Variants in CYP7B1 observed in about 807,000 individuals in gnomAD.
CYP7B1 encodes cytochrome P450 7B1.
CYP7B1 carries 29 observed loss-of-function variants against 42.7 expected under a neutral mutation model. The ratio of observed to expected loss-of-function variants is 0.68; its 90% CI spans 0.51 to 0.93. The LOEUF is 0.93. CYP7B1 is among the 40% of genes least tolerant of loss of function. The pLI, the probability that CYP7B1 is intolerant of heterozygous loss-of-function variation, is 0.00. For synonymous variants in CYP7B1, 235 were observed against 218.2 expected (o/e 1.08, Z -0.68); for missense variants, 655 against 600.5 (o/e 1.09, Z -0.95).
chr8:64,736,533 C>T (rs1006520829), intron 1 of CYP7B1, among the ~76,000 whole-genome samples: 1 of 152,182 alleles, frequency 6.6e-6, no homozygotes, highest in African/African-American at 2.4e-5. Context: ...TCACTGCAAC[C>T]TCCGCCTCCT....
chr8:64,688,336 GT>G, intron 1 of CYP7B1, among the ~76,000 whole-genome samples: 1 of 152,104 alleles, frequency 6.6e-6, no homozygotes, highest in Non-Finnish European at 1.5e-5. Flanking sequence ...AGCTTTTGAA[GT>G]TTTTTCCATT....
At chr8:64,784,626 G>T (rs1401750410) in intron 1 of CYP7B1, among the ~76,000 whole-genome samples, 1 of 152,152 alleles carries the variant, frequency 6.6e-6, no homozygotes, top group Non-Finnish European at 1.5e-5. Flanking sequence ...AACAAAATGA[G>T]TAAGAGATGG....
chr8:64,765,620 G>A (rs573399382), intron 1 of CYP7B1, among the ~76,000 whole-genome samples: 12 of 152,138 alleles, frequency 7.9e-5, no homozygotes, highest in Non-Finnish European at 1.5e-4. Context: ...ATCAGTGAGC[G>A]TTAACTAATC....
chr8:64,717,170 TC>T (rs1807167956), intron 1 of CYP7B1, among the ~76,000 whole-genome samples: 1 of 135,938 alleles, frequency 7.4e-6, no homozygotes, highest in African/African-American at 3.2e-5. Flanking sequence ...ACATGGTACA[TC>T]TTTTTTTTCC....
intron 1 of CYP7B1, among the ~76,000 whole-genome samples, chr8:64,683,248 A>G (rs943839856): frequency 6.6e-6 from 1 of 152,236 alleles, no homozygotes; most frequent in African/African-American, 2.4e-5. Context: ...CCAATGGAGT[A>G]CTATCTAGCC....
chr8:64,652,629 G>A (rs2129631236), intron 1 of CYP7B1, among the ~76,000 whole-genome samples: 1 of 152,294 alleles, frequency 6.6e-6, no homozygotes, highest in East Asian at 1.9e-4. Flanking sequence ...CGGATCACGA[G>A]GTCAGGAGAT....
chr8:64,792,116 A>G (rs1804627971), intron 1 of CYP7B1, among the ~76,000 whole-genome samples: 1 of 152,244 alleles, frequency 6.6e-6, no homozygotes, highest in Admixed American at 6.5e-5. Flanking sequence ...ATAAAGTTGC[A>G]GAACTCATAG....
chr8:64,619,911 G>A (rs1481985954), intron 2 of CYP7B1, among the ~76,000 whole-genome samples: 1 of 152,012 alleles, frequency 6.6e-6, no homozygotes, highest in Non-Finnish European at 1.5e-5. Context: ...AGAATTGGCT[G>A]CTTGGCATAG....
chr8:64,663,721 C>A (rs1011070861), intron 1 of CYP7B1, among the ~76,000 whole-genome samples: 37 of 151,350 alleles, frequency 2.4e-4, no homozygotes, highest in African/African-American at 9.0e-4. Context: ...AATATGCAGG[C>A]ATGTCTGACA....
At chr8:64,776,466 C>T (rs547971320) in intron 1 of CYP7B1, among the ~76,000 whole-genome samples, 1 of 152,248 alleles carries the variant, frequency 6.6e-6, no homozygotes, top group South Asian at 2.1e-4. Flanking sequence ...ACACACAGGG[C>T]ATGAGATGTC....
In CYP7B1 at chr8:64,594,335, A is replaced by G. The variant is rs1229002060; in HGVS notation, c.*2307T>C. On this transcript the variant is annotated 3_prime_UTR_variant, in exon 6 of 6. Transcript: ENST00000310193. ...GCTGTGCAGCAGTTAGAAGCAATAG[A>G]TTAAATATAGTAGTATACTATGTAT... Among the ~76,000 whole-genome samples the G allele has an allele frequency of 6.6e-6, 1 of 152,198 alleles. No individual in the cohort carries two copies. Among genetic ancestry groups the G allele is most frequent in the Non-Finnish European group, 1.5e-5 (1 of 68,042 alleles).
intron 1 of CYP7B1, among the ~76,000 whole-genome samples, chr8:64,628,683 CAAAAT>C (rs1015473376): frequency 2.6e-5 from 4 of 151,666 alleles, no homozygotes; most frequent in African/African-American, 9.7e-5. Flanking sequence ...TAAAATAAAA[CAAAAT>C]GAAATAAATA....
At chr8:64,798,188 G>C (rs763811653) in intron 1 of CYP7B1, among the ~76,000 whole-genome samples, 10 of 152,266 alleles carry the variant, frequency 6.6e-5, no homozygotes, top group Non-Finnish European at 1.3e-4. Context: ...CAATGTGTCT[G>C]TGATGCATAA....
At chr8:64,599,904 C>A (rs1311537776) in intron 5 of CYP7B1, among the ~76,000 whole-genome samples, 1 of 152,188 alleles carries the variant, frequency 6.6e-6, no homozygotes, top group Admixed American at 6.5e-5. Flanking sequence ...ACAGAGCTAA[C>A]CTACAGGAGA....
intron 1 of CYP7B1, among the ~76,000 whole-genome samples, chr8:64,634,976 A>C (rs903930473): frequency 2.6e-5 from 4 of 152,196 alleles, no homozygotes; most frequent in African/African-American, 9.7e-5. Flanking sequence ...GGCTTTTCAC[A>C]GTTGCAGTGC....
At position 64,639,534 on chromosome 8, in the gene CYP7B1, T is replaced by C. The variant is rs572860512; in HGVS notation, c.123-14995A>G. ...TCAACATCACAAGTCTTTAGATATA[T>C]GCAAATTATAAACTAAAATGAGATA... On this transcript the variant is annotated intron_variant, in intron 1 of 5. Transcript: ENST00000310193. Among the ~76,000 whole-genome samples the C allele has an allele frequency of 2.0e-5, 3 of 152,072 alleles. No homozygotes were observed. The East Asian group carries it at 5.8e-4, about 29-fold the overall frequency.
intron 1 of CYP7B1, among the ~76,000 whole-genome samples, chr8:64,705,381 A>G (rs766078457): frequency 1.3e-5 from 2 of 152,038 alleles, no homozygotes; most frequent in Non-Finnish European, 2.9e-5. Context: ...TGTCTAAAAC[A>G]TCACTTTTTT....
rs981690831 is a variant in CYP7B1 at position 64,751,337 on chromosome 8, C to T, written c.122+47129G>A. On this transcript the variant is annotated intron_variant, in intron 1 of 5. Transcript: ENST00000310193. ...AAATGACATCACATGGAATTGTAAA[C>T]CTGTTTTTCTCTTTATCTCATAATA... is the stretch of plus-strand genomic sequence containing the variant. Among the ~76,000 whole-genome samples, 6 of 152,054 alleles carry T rather than the reference C, an allele frequency of 3.9e-5. No individual in the cohort carries two copies. In the East Asian group the frequency reaches 9.7e-4, roughly 24 times the overall value.
In CYP7B1 at chr8:64,798,717, C is replaced by G. The variant is rs1300364638; in HGVS notation, c.-130G>C. 9.7e-7 allele frequency: 1 copy of G among 1,032,208 alleles called. No homozygotes were observed. Among genetic ancestry groups the G allele is most frequent in the Admixed American group, 4.1e-5 (1 of 24,110 alleles). The allele number at this position is 1,032,208 out of a possible 1,614,324, so 63.9% of individuals were successfully genotyped here. ...CCAGGGCCGGAGAGGCTGGCCTGCC[C>G]GCAGCGCAGACAGGAATGTCACCGT... On this transcript the variant is annotated 5_prime_UTR_variant, in exon 1 of 6. Coordinates refer to ENST00000310193, the MANE Select transcript of CYP7B1 (RefSeq NM_004820.5).
Sources: gnomAD v4.1 joint callset for allele counts (sites outside exome capture counted in the v4.1 genomes callset) on GRCh38, gnomAD v4.1.1 for gene constraint, MANE v1.5 for transcripts, NCBI Gene and HGNC (gene_info 2026-07-23, HGNC 2026-07-21) for gene names.